HNRNPUL1: variants seen among roughly 807,000 people sequenced by gnomAD.
HNRNPUL1 encodes heterogeneous nuclear ribonucleoprotein U like 1.
Under a neutral mutation model 108.5 loss-of-function variants are expected in HNRNPUL1, and 14 were observed. The ratio of observed to expected loss-of-function variants is 0.13; its 90% CI spans 0.09 to 0.20. HNRNPUL1 has a LOEUF of 0.20. HNRNPUL1 is among the 10% of genes least tolerant of loss of function. HNRNPUL1 has a pLI of 1.00. For missense variants in HNRNPUL1, 804 were observed against 1,168.3 expected (o/e 0.69, Z 4.55); for synonymous variants, 422 against 445.2 (o/e 0.95, Z 0.66).
At chr19:41,278,114 C>T (rs1019686387) in intron 5 of HNRNPUL1, among the ~76,000 whole-genome samples, 3 of 152,070 alleles carry the variant, frequency 2.0e-5, no homozygotes, top group Admixed American at 6.6e-5. Context: ...AGCTAGAATA[C>T]AGTGGCGCAA....
intron 12 of HNRNPUL1, among the ~76,000 whole-genome samples, chr19:41,303,213 C>T (rs1000089279): frequency 6.6e-5 from 10 of 152,108 alleles, no homozygotes; most frequent in Non-Finnish European, 1.5e-4. Context: ...GTGAACCTTC[C>T]CCCATCTGAC....
At chr19:41,265,461 T>C in intron 1 of HNRNPUL1, 1 of 1,265,720 alleles carries the variant, frequency 7.9e-7, no homozygotes, top group Non-Finnish European at 1.1e-6. Flanking sequence ...GAGATTGAAC[T>C]AGGGGGCACC....
At chr19:41,271,696 T>TTAACCGGAGTGATTCTGGCCTCTTTTG (rs1181687764) in intron 2 of HNRNPUL1, among the ~76,000 whole-genome samples, 23 of 152,186 alleles carry the variant, frequency 1.5e-4, no homozygotes, top group Admixed American at 4.6e-4. Context: ...ATGGGATGGC[T>TTAACCGGAGTGATTCTGGCCTCTTTTG]TAACCGGAGT....
At chr19:41,285,431 C>T (rs1173371572) in intron 7 of HNRNPUL1, among the ~76,000 whole-genome samples, 1 of 152,118 alleles carries the variant, frequency 6.6e-6, no homozygotes, top group Non-Finnish European at 1.5e-5. Flanking sequence ...CGCCAAACTC[C>T]TGAGCTCAAG....
At chr19:41,282,781 C>G (rs1257082829) in intron 7 of HNRNPUL1, among the ~76,000 whole-genome samples, 2 of 149,812 alleles carry the variant, frequency 1.3e-5, no homozygotes, top group Non-Finnish European at 1.5e-5. Flanking sequence ...GCTCCGCCTC[C>G]CGGGTTCACG....
At chr19:41,265,133 G>C (rs1482909415) in intron 1 of HNRNPUL1, 1 of 1,419,388 alleles carries the variant, frequency 7.0e-7, no homozygotes, top group Admixed American at 3.0e-5. Flanking sequence ...TTTTCCGTTT[G>C]GGTTGGGGAG....
chr19:41,265,419 G>C, intron 1 of HNRNPUL1: 1 of 1,453,224 alleles, frequency 6.9e-7, no homozygotes, highest in Non-Finnish European at 9.1e-7. Flanking sequence ...CAGTGCTTTG[G>C]AGTTTGGCTA....
In HNRNPUL1 at chr19:41,289,520, G is replaced by A. The variant is rs554713045; in HGVS notation, c.1000-2725G>A. Among the ~76,000 whole-genome samples, 3 of 152,174 alleles carry A rather than the reference G, an allele frequency of 2.0e-5. No homozygotes were observed. In the South Asian group the frequency reaches 6.2e-4, roughly 32 times the overall value. On this transcript the variant is annotated intron_variant, in intron 7 of 14. Transcript: ENST00000392006. ...TTCAGGAGTTTGGGTCTTTAGGCCT[G>A]GGACTGACACAGGAGTGTTTCAGCA... is the stretch of plus-strand genomic sequence containing the variant.
intron 4 of HNRNPUL1, among the ~76,000 whole-genome samples, chr19:41,274,744 C>T (rs1421447293): frequency 1.3e-5 from 2 of 152,200 alleles, no homozygotes; most frequent in African/African-American, 4.8e-5. Flanking sequence ...CTCAACAGAG[C>T]AGAAGATAAG....
intron 2 of HNRNPUL1, among the ~76,000 whole-genome samples, chr19:41,269,498 AAAAAAC>A (rs2035080905): frequency 6.6e-6 from 1 of 151,580 alleles, no homozygotes; most frequent in African/African-American, 2.4e-5. Flanking sequence ...AAAAAAAAAA[AAAAAAC>A]CTAAAATTAA....
chr19:41,297,400 G>A (rs917876987), intron 10 of HNRNPUL1, among the ~76,000 whole-genome samples: 2 of 152,196 alleles, frequency 1.3e-5, no homozygotes, highest in South Asian at 4.1e-4. Flanking sequence ...GTTTTCATCC[G>A]GAGGAATGTG....
chr19:41,290,188 A>G (rs575286901), intron 7 of HNRNPUL1, among the ~76,000 whole-genome samples: 4 of 152,188 alleles, frequency 2.6e-5, no homozygotes, highest in Non-Finnish European at 4.4e-5. Context: ...AGAGAAAGAA[A>G]TTATACTTTC....
intron 13 of HNRNPUL1, among the ~76,000 whole-genome samples, chr19:41,305,394 A>G (rs963069841): frequency 1.3e-5 from 2 of 152,220 alleles, no homozygotes. Context: ...TTTATAAAAA[A>G]GAAAACTGAG....
chr19:41,264,991 G>A (rs575450094), intron 1 of HNRNPUL1, 193 bp downstream of exon 1: 1 of 1,395,020 alleles, frequency 7.2e-7, no homozygotes, highest in Admixed American at 3.3e-5. Flanking sequence ...ACTCAGTGCA[G>A]GGGGGACACT....
At chr19:41,278,795 G>GT (rs2035727657) in intron 5 of HNRNPUL1, among the ~76,000 whole-genome samples, 1 of 152,046 alleles carries the variant, frequency 6.6e-6, no homozygotes, top group African/African-American at 2.4e-5. Context: ...TAAAGACACT[G>GT]TAACAGTTTA....
At chr19:41,303,357 T>A (rs2037352321) in intron 12 of HNRNPUL1, among the ~76,000 whole-genome samples, 1 of 150,886 alleles carries the variant, frequency 6.6e-6, no homozygotes, top group African/African-American at 2.4e-5. Flanking sequence ...CTCATTTTTT[T>A]TTTTTTTTTT....
rs2036761185 is a variant in HNRNPUL1 at position 41,294,300 on chromosome 19, C to G, written c.1267-38C>G. ...ACCACCGAGCCAAGTGGTGCCATAC[C>G]ACCATGCCGCAACACCTTCCCTGTC... On this transcript the variant is annotated intron_variant, in intron 8 of 14. Coordinates refer to ENST00000392006, the MANE Select transcript of HNRNPUL1 (RefSeq NM_007040.6). This position sits in a 1 kb window ranked among gnomAD's most constrained non-coding sequence, Gnocchi z 4.3. The G allele has an allele frequency of 1.2e-6, 2 of 1,609,620 alleles. No homozygotes were observed. Among genetic ancestry groups the G allele is most frequent in the African/African-American group, 2.7e-5 (2 of 74,844 alleles).
chr19:41,294,288 G>A lies in HNRNPUL1; in HGVS notation c.1267-50G>A. ...ACACTCACAGTCACCACCGAGCCAAGTGGTGCCATACCACCATGCCGCAAC... is the reference window on the plus strand; with the variant it reads ...ACACTCACAGTCACCACCGAGCCAAATGGTGCCATACCACCATGCCGCAAC... On this transcript the variant is annotated intron_variant, in intron 8 of 14. Transcript: ENST00000392006. The surrounding 1 kb of genome is among the most constrained non-coding windows in gnomAD (Gnocchi z 4.3). The A allele has an allele frequency of 6.2e-7, 1 of 1,605,192 alleles. No homozygotes were observed. Among genetic ancestry groups the A allele is most frequent in the African/African-American group, 1.3e-5 (1 of 74,908 alleles).
At chr19:41,277,489 G>A (rs1286099735) in intron 5 of HNRNPUL1, among the ~76,000 whole-genome samples, 1 of 152,082 alleles carries the variant, frequency 6.6e-6, no homozygotes, top group Non-Finnish European at 1.5e-5. Flanking sequence ...ACTACGCAGT[G>A]TTTTCTTTTT....
Sources: gnomAD v4.1 joint callset for allele counts (sites outside exome capture counted in the v4.1 genomes callset) on GRCh38, gnomAD v4.1.1 for gene constraint, Gnocchi (gnomAD v3.1) non-coding constraint, MANE v1.5 for transcripts, NCBI Gene and HGNC (gene_info 2026-07-23, HGNC 2026-07-21) for gene names.